AP2B1: variants seen among roughly 807,000 people sequenced by gnomAD.
AP2B1 encodes the protein adaptor related protein complex 2 subunit beta 1, also known as AP-2 complex subunit beta.
In AP2B1, 23 loss-of-function variants were observed where a neutral mutation model predicts 102.0. The observed-to-expected ratio is 0.23, with a 90% CI of 0.16 to 0.32. The LOEUF (loss-of-function observed/expected upper bound fraction) is 0.32. AP2B1 is among the 10% of genes least tolerant of loss of function. The pLI, the probability that AP2B1 is intolerant of heterozygous loss-of-function variation, is 1.00. For synonymous variants in AP2B1, 381 were observed against 421.2 expected (o/e 0.90, Z 1.17); for missense variants, 541 against 1,157.4 (o/e 0.47, Z 7.73).
At chr17:35,640,083 A>T (rs2074726432) in intron 11 of AP2B1, among the ~76,000 whole-genome samples, 2 of 151,586 alleles carry the variant, frequency 1.3e-5, no homozygotes, top group South Asian at 4.2e-4. Context: ...CACCTGGCTA[A>T]TTTTTATATT....
chr17:35,591,653 G>A (rs901316967), intron 1 of AP2B1, among the ~76,000 whole-genome samples: 6 of 152,052 alleles, frequency 3.9e-5, no homozygotes, highest in South Asian at 2.1e-4. Context: ...TCAAGTAATC[G>A]TTTCTGTTTA....
At chr17:35,719,659 A>C (rs1318841226) in intron 21 of AP2B1, among the ~76,000 whole-genome samples, 2 of 152,186 alleles carry the variant, frequency 1.3e-5, no homozygotes, top group Non-Finnish European at 1.5e-5. Flanking sequence ...TTATATTTAA[A>C]CAAAAGTTTG....
intron 5 of AP2B1, among the ~76,000 whole-genome samples, chr17:35,622,787 C>A (rs2074216784): frequency 6.6e-6 from 1 of 152,140 alleles, no homozygotes; most frequent in African/African-American, 2.4e-5. Context: ...GCCTCAGCCT[C>A]CTGAGTAGCT....
chr17:35,653,163 A>G (rs547119682), intron 13 of AP2B1, among the ~76,000 whole-genome samples: 23 of 152,240 alleles, frequency 1.5e-4, no homozygotes, highest in Middle Eastern at 3.4e-3. Context: ...CCCACTGACC[A>G]CTAATATATT....
chr17:35,683,034 C>G (rs191182736), intron 18 of AP2B1, among the ~76,000 whole-genome samples: 1 of 152,086 alleles, frequency 6.6e-6, no homozygotes, highest in Non-Finnish European at 1.5e-5. Context: ...CAAGCCACCA[C>G]GCCTGGCTAA....
intron 12 of AP2B1, among the ~76,000 whole-genome samples, chr17:35,642,319 G>A (rs1214913598): frequency 6.7e-6 from 1 of 149,624 alleles, no homozygotes; most frequent in Non-Finnish European, 1.5e-5. Context: ...GTACCATGTG[G>A]AGATAATAGA....
At chr17:35,608,109 A>G in intron 4 of AP2B1, 33 bp from the exon 5 acceptor site, 4 of 1,610,458 alleles carry the variant, frequency 2.5e-6, no homozygotes, top group African/African-American at 2.7e-5. Context: ...GCCACCATGT[A>G]TACCTACAGT....
chr17:35,719,749 A>T (rs1188228150), intron 21 of AP2B1, among the ~76,000 whole-genome samples: 1 of 152,218 alleles, frequency 6.6e-6, no homozygotes, highest in Non-Finnish European at 1.5e-5. Context: ...TAATGCCAAC[A>T]CTTTGGAAGG....
chr17:35,638,782 C>G (rs2074683122), intron 10 of AP2B1, among the ~76,000 whole-genome samples: 1 of 105,306 alleles, frequency 9.5e-6, no homozygotes, highest in Non-Finnish European at 1.9e-5. Context: ...GAGCAACACT[C>G]CGTCTTGAAA....
At chr17:35,675,791 CTTTG>C (rs1255895710) in intron 17 of AP2B1, among the ~76,000 whole-genome samples, 4 of 151,538 alleles carry the variant, frequency 2.6e-5, no homozygotes, top group African/African-American at 4.8e-5. Context: ...TTTATTGACT[CTTTG>C]TTTATCTTTT....
chr17:35,717,363 C>T lies in AP2B1; in HGVS notation c.2781+14C>T, dbSNP rs2076569517. 1 of 1,613,820 alleles carries T rather than the reference C, an allele frequency of 6.2e-7. No homozygotes were observed. The highest frequency in any genetic ancestry group is 1.7e-5 in the Admixed American group (1 of 60,002). On this transcript the variant is annotated intron_variant, in intron 21 of 21. Transcript: ENST00000610402. ...CCCAATTACACGGTAAGGCCTTTCT[C>T]AGAATGGGTGAGATGGATTAGAGGA...
At position 35,626,824 on chromosome 17, in the gene AP2B1, A is replaced by G; in HGVS notation, c.920A>G (p.Asn307Ser). The G allele has an allele frequency of 1.2e-6, 2 of 1,613,964 alleles. No individual in the cohort carries two copies. Among genetic ancestry groups the G allele is most frequent in the South Asian group, 1.1e-5 (1 of 91,040 alleles). Residue 307 changes from asparagine to serine, a missense_variant, in exon 7 of 22, where the codon AAC (asparagine) becomes AGC (serine). Coordinates refer to ENST00000610402, the MANE Select transcript of AP2B1 (RefSeq NM_001030006.2). ...CAGTATGTCGCCCTGAGGAACATCAACTTAATTGTCCAGAAAAGGTTGGGA... is the reference window on the plus strand; with the variant it reads ...CAGTATGTCGCCCTGAGGAACATCAGCTTAATTGTCCAGAAAAGGTTGGGA... ...EVQYVALRNINLIVQKRPEIL... is the reference protein window; with the variant it reads ...EVQYVALRNISLIVQKRPEIL...
chr17:35,682,544 A>T, intron 17 of AP2B1, 151 bp from the exon 18 acceptor site: 1 of 543,922 alleles, frequency 1.8e-6, no homozygotes, highest in South Asian at 2.1e-5. Flanking sequence ...GGGTTTCACC[A>T]TGTTGGCCAG....
chr17:35,712,275 G>C lies in AP2B1; in HGVS notation c.2626+1955G>C, dbSNP rs587740369. ...CCCCTGGTTATATTCACCTTTGTGG[G>C]AGTTGGTTCAATGGCAACATTTCAA... On this transcript the variant is annotated intron_variant, in intron 20 of 21. Transcript: ENST00000610402. Among the ~76,000 whole-genome samples, 29 of 152,262 alleles carry C rather than the reference G, an allele frequency of 1.9e-4. No individual in the cohort carries two copies. In the South Asian group the frequency reaches 4.4e-3, roughly 23 times the overall value.
At chr17:35,687,651 G>T (rs766135998) in intron 18 of AP2B1, among the ~76,000 whole-genome samples, 1 of 151,944 alleles carries the variant, frequency 6.6e-6, no homozygotes, top group South Asian at 2.1e-4. Flanking sequence ...AGGCTCAAGC[G>T]ATCCTGCTAC....
intron 15 of AP2B1, among the ~76,000 whole-genome samples, chr17:35,671,543 G>T (rs1284222908): frequency 6.6e-6 from 1 of 152,116 alleles, no homozygotes; most frequent in African/African-American, 2.4e-5. Flanking sequence ...TCTTGATAAA[G>T]CTTCTAAAGA....
chr17:35,686,237 C>T (rs1287279686), intron 18 of AP2B1, among the ~76,000 whole-genome samples: 1 of 152,108 alleles, frequency 6.6e-6, no homozygotes, highest in African/African-American at 2.4e-5. Context: ...TACTGGGAGC[C>T]TTTCTTGAGT....
At chr17:35,707,227 C>T (rs931085349) in intron 18 of AP2B1, among the ~76,000 whole-genome samples, 3 of 151,900 alleles carry the variant, frequency 2.0e-5, no homozygotes, top group Non-Finnish European at 4.4e-5. Context: ...GATTTCGGCT[C>T]ACTGCAGCCT....
At chr17:35,649,963 T>G (rs756920556) in intron 12 of AP2B1, among the ~76,000 whole-genome samples, 2 of 151,992 alleles carry the variant, frequency 1.3e-5, no homozygotes, top group Non-Finnish European at 2.9e-5. Context: ...TTATTATTAT[T>G]TTTTGAGACA....
Sources: gnomAD v4.1 joint callset for allele counts (sites outside exome capture counted in the v4.1 genomes callset) on GRCh38, gnomAD v4.1.1 for gene constraint, MANE v1.5 for transcripts, NCBI Gene and HGNC (gene_info 2026-07-23, HGNC 2026-07-21) for gene names.